Variants in CBR4 observed in about 807,000 individuals in gnomAD.
CBR4 encodes carbonyl reductase 4, also known as 3-oxoacyl-[acyl-carrier-protein] reductase.
Under a neutral mutation model 21.0 loss-of-function variants are expected in CBR4, and 22 were observed. The observed-to-expected ratio is 1.05, with a 90% confidence interval of 0.75 to 1.50. CBR4 has a LOEUF of 1.50. Among genes scored for constraint, CBR4 ranks in the 40% most tolerant of loss-of-function variants. CBR4 has a pLI of 0.00. For missense variants in CBR4, 302 were observed against 286.3 expected (o/e 1.05, Z -0.40); for synonymous variants, 100 against 104.4 (o/e 0.96, Z 0.26).
chr4:168,971,436 ATTTTTT>A (rs70961566), intron 2 of CBR4, among the ~76,000 whole-genome samples: 6 of 114,118 alleles, frequency 5.3e-5, no homozygotes, highest in Non-Finnish European at 8.7e-5. Flanking sequence ...TGCCCAGCTC[ATTTTTT>A]TTTTTTTTTT....
At chr4:168,998,536 GGAAT>G (rs1361884896) in intron 4 of CBR4, among the ~76,000 whole-genome samples, 1 of 152,092 alleles carries the variant, frequency 6.6e-6, no homozygotes, top group Non-Finnish European at 1.5e-5. Flanking sequence ...AAAGAAATAG[GGAAT>G]GAATGTTAAT....
At chr4:168,968,397 A>C (rs1295387632) in intron 2 of CBR4, among the ~76,000 whole-genome samples, 3 of 152,234 alleles carry the variant, frequency 2.0e-5, no homozygotes, top group African/African-American at 2.4e-5. Context: ...TTTGGACTAT[A>C]CTGTGACAGA....
chr4:168,987,193 T>C (rs1289267307), downstream of CBR4, among the ~76,000 whole-genome samples: 1 of 152,124 alleles, frequency 6.6e-6, no homozygotes, highest in Non-Finnish European at 1.5e-5. Flanking sequence ...TAAGAGAAAA[T>C]AGTCGATTCA....
chr4:168,901,992 T>C (rs1181929316), intron 2 of CBR4, among the ~76,000 whole-genome samples: 1 of 152,244 alleles, frequency 6.6e-6, no homozygotes, highest in Non-Finnish European at 1.5e-5. Flanking sequence ...ATACGTAATA[T>C]AGTTTCTGTA....
intron 2 of CBR4, among the ~76,000 whole-genome samples, chr4:168,981,347 C>T (rs556605439): frequency 6.6e-6 from 1 of 151,858 alleles, no homozygotes; most frequent in Admixed American, 6.6e-5. Flanking sequence ...AGCAGTGAGC[C>T]GAGATCGCAT....
intron 2 of CBR4, among the ~76,000 whole-genome samples, chr4:168,899,994 A>G (rs58047135): frequency 0.051 from 7,698 of 152,272 alleles, 627 homozygotes; most frequent in African/African-American, 0.17. Context: ...TAGTACCAGA[A>G]TCTTCTCCTG....
chr4:168,926,642 A>C, intron 2 of CBR4: 1 of 381,780 alleles, frequency 2.6e-6, no homozygotes, highest in Non-Finnish European at 4.8e-6. Context: ...GATTAAAGTG[A>C]TCAAAATGCC....
At chr4:168,999,258 A>G (rs1730205247) in intron 4 of CBR4, among the ~76,000 whole-genome samples, 1 of 152,120 alleles carries the variant, frequency 6.6e-6, no homozygotes, top group South Asian at 2.1e-4. Context: ...TGGAAACTCC[A>G]TTTGAAGGTG....
At chr4:169,009,892 T>C (rs1167131612) in intron 1 of CBR4, 56 bp downstream of exon 1, 14 of 1,515,368 alleles carry the variant, frequency 9.2e-6, no homozygotes, top group Non-Finnish European at 1.2e-5. Flanking sequence ...AAGGAGATTT[T>C]CTTTAGGCGC....
intron 4 of CBR4, among the ~76,000 whole-genome samples, chr4:168,996,020 G>A (rs557443563): frequency 1.3e-5 from 2 of 152,236 alleles, no homozygotes; most frequent in South Asian, 2.1e-4. Context: ...CACCCACCTC[G>A]AATGAAAAGT....
Position 168,915,883 on chromosome 4 carries a change from T to C in CBR4, n.170-21118A>G, listed in dbSNP as rs775340009. On this transcript the variant is annotated intron_variant and non_coding_transcript_variant, in intron 2 of 3. Coordinates refer to the CBR4 transcript ENST00000509108. ...TATATTTCTATCTATCTGTCATCTT[T>C]CTTGTTTCAAGGCCTCGTTCTAGAT... 32 of 1,609,244 alleles carry C rather than the reference T, an allele frequency of 2.0e-5. No homozygotes were observed. The South Asian group carries it at 3.2e-4, about 16-fold the overall frequency.
intron 4 of CBR4, among the ~76,000 whole-genome samples, chr4:168,995,022 G>GCAGGCGTGA (rs1199095448): frequency 1.3e-5 from 2 of 152,062 alleles, no homozygotes. Flanking sequence ...CCAAAGTACT[G>GCAGGCGTGA]GGATTACAGG....
downstream of CBR4, among the ~76,000 whole-genome samples, chr4:168,982,652 C>T (rs1764577637): frequency 6.6e-6 from 1 of 152,080 alleles, no homozygotes; most frequent in Non-Finnish European, 1.5e-5. Flanking sequence ...TACTCTAAAA[C>T]TGACTACACA....
At position 168,927,774 on chromosome 4, in the gene CBR4, T is replaced by C. The variant is rs148023504; in HGVS notation, n.170-33009A>G. ...TAGACTGAGTTGATTCTGACCAGAC[T>C]TGATGGTTTTAAGTCGGAACCGATA... is the stretch of plus-strand genomic sequence containing the variant. On this transcript the variant is annotated intron_variant and non_coding_transcript_variant, in intron 2 of 3. Transcript: ENST00000509108. The C allele has an allele frequency of 7.3e-4, 162 of 220,750 alleles. No individual in the cohort carries two copies. The highest frequency in any genetic ancestry group is 3.4e-3 in the African/African-American group (150 of 44,752). 13.7% of individuals were successfully genotyped at this position (220,750 alleles called of 1,614,324 possible). A position where few individuals can be genotyped will look rare whatever the true frequency, so the allele number is the denominator to read the frequency against.
At chr4:168,925,420 T>C in intron 2 of CBR4, 1 of 727,428 alleles carries the variant, frequency 1.4e-6, no homozygotes, top group Non-Finnish European at 2.5e-6. Flanking sequence ...TCACATGTTC[T>C]TGTTACTGTG....
intron 2 of CBR4, among the ~76,000 whole-genome samples, chr4:168,966,526 CAAAGAAAAAAAA>C (rs1764039201): frequency 7.0e-6 from 1 of 142,712 alleles, no homozygotes; most frequent in South Asian, 2.2e-4. Flanking sequence ...GACTCCGTCT[CAAAGAAAAAAAA>C]AAAGAAAAAA....
intron 2 of CBR4, chr4:168,916,038 G>T (rs780035680): frequency 6.2e-7 from 1 of 1,612,058 alleles, no homozygotes; most frequent in African/African-American, 1.3e-5. Flanking sequence ...GTAAGATTTT[G>T]TTATTGCTTG....
At chr4:168,978,147 T>TCC (rs1329283383) in intron 2 of CBR4, among the ~76,000 whole-genome samples, 1 of 152,170 alleles carries the variant, frequency 6.6e-6, no homozygotes, top group East Asian at 1.9e-4. Context: ...CATGTTCTCC[T>TCC]CCTCTGCATT....
chr4:168,986,963 A>G (rs1204014578), downstream of CBR4, among the ~76,000 whole-genome samples: 1 of 152,178 alleles, frequency 6.6e-6, no homozygotes, highest in East Asian at 1.9e-4. Flanking sequence ...ATTTAATTAA[A>G]TAAATAAATA....
Sources: gnomAD v4.1 joint callset for allele counts (sites outside exome capture counted in the v4.1 genomes callset) on GRCh38, gnomAD v4.1.1 for gene constraint, MANE v1.5 for transcripts, NCBI Gene and HGNC (gene_info 2026-07-23, HGNC 2026-07-21) for gene names.